The following STON2 variants were observed in gnomAD, a reference collection of about 807,000 sequenced individuals.
STON2 encodes stonin-2.
In STON2, 29 loss-of-function variants were observed where a neutral mutation model predicts 65.7. The ratio of observed to expected loss-of-function variants is 0.44; its 90% CI spans 0.33 to 0.60. STON2 has a LOEUF of 0.60. STON2 is among the 20% of genes least tolerant of loss of function. The pLI, the probability that STON2 is intolerant of heterozygous loss-of-function variation, is 0.03. For missense variants in STON2, 1,054 were observed against 1,118.1 expected (o/e 0.94, Z 0.82); for synonymous variants, 404 against 414.2 (o/e 0.98, Z 0.30).
intron 4 of STON2, among the ~76,000 whole-genome samples, chr14:81,348,239 C>T (rs1034651406): frequency 3.3e-5 from 5 of 152,124 alleles, no homozygotes; most frequent in African/African-American, 1.2e-4. Flanking sequence ...TCCTATTCAT[C>T]ATAGTACTGG....
At chr14:81,395,686 G>A (rs1046344377) in intron 3 of STON2, 4 of 587,216 alleles carry the variant, frequency 6.8e-6, no homozygotes, top group African/African-American at 1.9e-5. Context: ...AAATGTCCTA[G>A]AACACATACA....
At position 81,413,141 on chromosome 14, in the gene STON2, G is replaced by C. The variant is rs1276873929; in HGVS notation, c.-199+13961C>G. On this transcript the variant is annotated intron_variant, in intron 2 of 8. Transcript: ENST00000553821. ...GTACAATCCCACCTGACACTGCATC[G>C]TGGGGAGGAACTTCAGTAGTTACGT... The C allele has an allele frequency of 1.3e-5, 18 of 1,350,782 alleles. 1 individual carries two copies. Among genetic ancestry groups the C allele is most frequent in the East Asian group, 8.8e-5 (3 of 34,214 alleles). The allele number at this position is 1,350,782 out of a possible 1,614,324, so 83.7% of individuals were successfully genotyped here.
intron 3 of STON2, among the ~76,000 whole-genome samples, chr14:81,391,610 G>C (rs1477528722): frequency 6.6e-6 from 1 of 152,212 alleles, no homozygotes; most frequent in East Asian, 1.9e-4. Context: ...TGCAGCTTTT[G>C]ATTCAGTTTA....
chr14:81,431,692 T>C (rs1269526595), intron 1 of STON2, among the ~76,000 whole-genome samples: 6 of 151,510 alleles, frequency 4.0e-5, no homozygotes, highest in Non-Finnish European at 7.4e-5. Context: ...GCAAGAGAAT[T>C]GCTTGAACCC....
rs1894349389 is a variant in STON2 at position 81,266,116 on chromosome 14, T to C, written c.*2298A>G. The C allele has an allele frequency of 5.1e-6, 5 of 982,902 alleles. No individual in the cohort carries two copies. The highest frequency in any genetic ancestry group is 6.0e-6 in the Non-Finnish European group (5 of 827,726). The allele number at this position is 982,902 out of a possible 1,614,324, so 60.9% of individuals were successfully genotyped here. On this transcript the variant is annotated 3_prime_UTR_variant, in exon 8 of 8. Coordinates refer to ENST00000614646, the MANE Select transcript of STON2 (RefSeq NM_001394390.1). Reference sequence around the variant, plus strand: ...AGACAAATGAAGTTAGAGAGTCTTATTACTATTGAGACTAAACCTATATTT... The same window carrying C: ...AGACAAATGAAGTTAGAGAGTCTTACTACTATTGAGACTAAACCTATATTT...
chr14:81,276,080 G>A (rs566896585), intron 6 of STON2, among the ~76,000 whole-genome samples: 1 of 152,100 alleles, frequency 6.6e-6, no homozygotes, highest in Non-Finnish European at 1.5e-5. Flanking sequence ...CTACCATTGG[G>A]GTCACCCAGA....
intron 3 of STON2, among the ~76,000 whole-genome samples, chr14:81,389,852 A>T (rs1182816902): frequency 6.6e-6 from 1 of 152,122 alleles, no homozygotes; most frequent in African/African-American, 2.4e-5. Context: ...TCAGACAAGT[A>T]ATTCTCCCAG....
At position 81,398,492 on chromosome 14, in the gene STON2, G is replaced by T; in HGVS notation, c.-110C>A. 1.3e-6 allele frequency: 1 copy of T among 784,350 alleles called. No homozygotes were observed. 48.6% of individuals were successfully genotyped at this position (784,350 alleles called of 1,614,324 possible). A position where few individuals can be genotyped will look rare whatever the true frequency, so the allele number is the denominator to read the frequency against. ...GGTAGTACGGTAGACTTGGGTCCAGGGTCTGTTCTAGGTGTCTTGCCAAGG... is the reference window on the plus strand; with the variant it reads ...GGTAGTACGGTAGACTTGGGTCCAGTGTCTGTTCTAGGTGTCTTGCCAAGG... On this transcript the variant is annotated 5_prime_UTR_variant, in exon 2 of 8. Transcript: ENST00000614646.
At position 81,412,670 on chromosome 14, in the gene STON2, C is replaced by T. The variant is rs527842078; in HGVS notation, c.-198-14090G>A. Among the ~76,000 whole-genome samples, 139 of 138,734 alleles carry T rather than the reference C, an allele frequency of 1.0e-3. 35 individuals carry two copies. The highest frequency in any genetic ancestry group is 4.0e-3 in the African/African-American group (135 of 33,516). The allele number at this position is 138,734 out of a possible 152,430, so 91.0% of individuals were successfully genotyped here. ...GATGGATGTGGCAATAGTTGCACAA[C>T]GATGTGAAAGGACATAATGCTGCTG... On this transcript the variant is annotated intron_variant, in intron 2 of 8. Coordinates refer to the STON2 transcript ENST00000553821.
At chr14:81,317,028 A>C (rs563731131) in intron 5 of STON2, among the ~76,000 whole-genome samples, 1 of 152,168 alleles carries the variant, frequency 6.6e-6, no homozygotes, top group South Asian at 2.1e-4. Context: ...TCAAAAAAAA[A>C]GAAAAAAGAA....
chr14:81,423,628 C>T (rs780977394), intron 2 of STON2, among the ~76,000 whole-genome samples: 91 of 152,318 alleles, frequency 6.0e-4, no homozygotes, highest in Middle Eastern at 6.8e-3. Flanking sequence ...TCCTTCCCCT[C>T]CCTCTTCCCC....
At chr14:81,362,790 T>G (rs1429901713) in intron 4 of STON2, among the ~76,000 whole-genome samples, 2 of 152,144 alleles carry the variant, frequency 1.3e-5, no homozygotes, top group African/African-American at 4.8e-5. Flanking sequence ...AATTTTAAAT[T>G]TAAAAAAGGA....
chr14:81,375,997 A>T (rs1190111165), intron 3 of STON2, among the ~76,000 whole-genome samples: 1 of 151,754 alleles, frequency 6.6e-6, no homozygotes, highest in Non-Finnish European at 1.5e-5. Context: ...ATATCAATAA[A>T]TATTAGGAAA....
At chr14:81,282,791 T>C (rs146638363) in intron 5 of STON2, among the ~76,000 whole-genome samples, 53 of 152,334 alleles carry the variant, frequency 3.5e-4, no homozygotes, top group African/African-American at 1.2e-3. Context: ...TGCTTAGCTA[T>C]AGTCTGTATT....
At position 81,261,701 on chromosome 14, in the gene STON2, G is replaced by T; in HGVS notation, c.*6713C>A. ...GATTATCCTATCATCCCCAGTACTTGGAGGGTTAGACCTACTTCTGTGTCA... is the reference window on the plus strand; with the variant it reads ...GATTATCCTATCATCCCCAGTACTTTGAGGGTTAGACCTACTTCTGTGTCA... On this transcript the variant is annotated 3_prime_UTR_variant, in exon 8 of 8. Transcript: ENST00000614646. 4 of 1,287,320 alleles carry T rather than the reference G, an allele frequency of 3.1e-6. No individual in the cohort carries two copies. Among genetic ancestry groups the T allele is most frequent in the Non-Finnish European group, 4.0e-6 (4 of 990,380 alleles). 79.7% of individuals were successfully genotyped at this position (1,287,320 alleles called of 1,614,324 possible). A position where few individuals can be genotyped will look rare whatever the true frequency, so the allele number is the denominator to read the frequency against.
intron 2 of STON2, chr14:81,418,105 A>G (rs1901528406): frequency 6.6e-6 from 1 of 152,446 alleles, no homozygotes; most frequent in African/African-American, 2.4e-5. Flanking sequence ...CCATTTTCAT[A>G]TAAAGACATA....
chr14:81,411,518 C>A (rs534441089), intron 2 of STON2, among the ~76,000 whole-genome samples: 1 of 152,164 alleles, frequency 6.6e-6, no homozygotes, highest in Non-Finnish European at 1.5e-5. Context: ...ACCAGCCTGA[C>A]CAACATGGTG....
intron 3 of STON2, among the ~76,000 whole-genome samples, chr14:81,374,479 T>C (rs1899159346): frequency 6.6e-6 from 1 of 151,978 alleles, no homozygotes; most frequent in South Asian, 2.1e-4. Context: ...GCAAAGTGTG[T>C]GGGTGGGTGG....
At chr14:81,341,444 GTGTTTTTTTTT>G (rs370632691) in intron 4 of STON2, among the ~76,000 whole-genome samples, 4 of 126,052 alleles carry the variant, frequency 3.2e-5, no homozygotes, top group Admixed American at 7.6e-5. Context: ...CATTTTATAA[GTGTTTTTTTTT>G]TGTTTTTTTT....
Sources: allele counts gnomAD v4.1 joint callset (sites outside exome capture counted in the v4.1 genomes callset), GRCh38; gene constraint gnomAD v4.1.1; transcripts MANE v1.5; gene names NCBI Gene and HGNC (gene_info 2026-07-23, HGNC 2026-07-21).